Variants in GABRB3 observed in about 807,000 individuals in gnomAD.
GABRB3 encodes gamma-aminobutyric acid receptor subunit beta-3.
Under a neutral mutation model 52.1 loss-of-function variants are expected in GABRB3, and 14 were observed. That is an observed-to-expected ratio of 0.27 (90% CI 0.18 to 0.42). The LOEUF is 0.42. Ranked by LOEUF, GABRB3 falls within the 10% of genes least tolerant of loss-of-function variation. GABRB3 has a pLI of 1.00. For synonymous variants in GABRB3, 260 were observed against 232.3 expected (o/e 1.12, Z -1.08); for missense variants, 307 against 609.1 (o/e 0.50, Z 5.22).
At position 26,576,449 on chromosome 15, in the gene GABRB3, C is replaced by T. The variant is rs557266514; in HGVS notation, c.682+3870G>A. Among the ~76,000 whole-genome samples, 37 of 152,166 alleles carry T rather than the reference C, an allele frequency of 2.4e-4. No homozygotes were observed. The South Asian group carries it at 6.2e-3, about 26-fold the overall frequency. On this transcript the variant is annotated intron_variant, in intron 6 of 8. Transcript: ENST00000311550. ...AAATAAGAATTACATATCAAAACAA[C>T]TGGAAACTTTTCTGAGAAATATAAA...
At position 26,717,345 on chromosome 15, in the gene GABRB3, G is replaced by C. The variant is rs529128790; in HGVS notation, c.240+55057C>G. ...CCAGCTCTGGGGACCTCCACCCAAT[G>C]ACAGCCCAGCTCTAATATCCACCCA... On this transcript the variant is annotated intron_variant, in intron 3 of 8. Transcript: ENST00000311550. Among the ~76,000 whole-genome samples the C allele has an allele frequency of 1.8e-4, 27 of 151,552 alleles. No homozygotes were observed. In the Middle Eastern group the frequency reaches 0.017, roughly 95 times the overall value.
intron 3 of GABRB3, among the ~76,000 whole-genome samples, chr15:26,641,708 T>C (rs1483376967): frequency 6.6e-6 from 1 of 152,192 alleles, no homozygotes; most frequent in Non-Finnish European, 1.5e-5. Flanking sequence ...CATGGCCAGA[T>C]GCCCCTTGGC....
At chr15:26,556,268 T>G (rs1889748323) in intron 8 of GABRB3, among the ~76,000 whole-genome samples, 1 of 152,146 alleles carries the variant, frequency 6.6e-6, no homozygotes, top group Non-Finnish European at 1.5e-5. Context: ...ACAGAGAGAT[T>G]TTTTGTTTTT....
At chr15:26,580,768 A>G in intron 5 of GABRB3, 1 of 429,410 alleles carries the variant, frequency 2.3e-6, no homozygotes, top group Non-Finnish European at 4.4e-6. Flanking sequence ...TGAATTTAAA[A>G]TGTATCTCAA....
chr15:26,702,701 C>T (rs1365226), intron 3 of GABRB3, among the ~76,000 whole-genome samples: 5,888 of 152,208 alleles, frequency 0.039, 401 homozygotes, highest in African/African-American at 0.13. Flanking sequence ...CCAATACACC[C>T]CTGAGTATTT....
chr15:26,772,276 C>T, intron 3 of GABRB3, 126 bp downstream of exon 3: 1 of 788,868 alleles, frequency 1.3e-6, no homozygotes, highest in Non-Finnish European at 2.0e-6. Flanking sequence ...GGGAGCGCGG[C>T]TCCCTCTGCG....
intron 3 of GABRB3, chr15:26,624,124 G>A (rs938418801): frequency 3.5e-5 from 32 of 910,340 alleles, no homozygotes; most frequent in Non-Finnish European, 4.2e-5. Flanking sequence ...AGGCCTGAAA[G>A]GTTCTCGGAC....
At chr15:26,651,624 A>G (rs1887200309) in intron 3 of GABRB3, among the ~76,000 whole-genome samples, 1 of 152,236 alleles carries the variant, frequency 6.6e-6, no homozygotes, top group Admixed American at 6.5e-5. Context: ...CTTTCAAGTG[A>G]GAACTAAACT....
intron 2 of GABRB3, 94 bp downstream of exon 2, chr15:26,772,587 C>T: frequency 4.2e-6 from 6 of 1,431,324 alleles, no homozygotes; most frequent in Non-Finnish European, 5.6e-6. Flanking sequence ...TCCCACCCGC[C>T]GCTGCTCCGC....
In GABRB3 at chr15:26,617,073, A is replaced by T. The variant is rs539948706; in HGVS notation, c.461+4241T>A. Among the ~76,000 whole-genome samples the T allele has an allele frequency of 2.0e-5, 3 of 152,354 alleles. No individual in the cohort carries two copies. In the South Asian group the frequency reaches 6.2e-4, roughly 32 times the overall value. ...GAATAGACCAATAACAGGAGCTGAA[A>T]TTGTGGCAATAATCAATAGCTTACC... On this transcript the variant is annotated intron_variant, in intron 4 of 8. Transcript: ENST00000311550.
At chr15:26,724,013 T>C (rs879700026) in intron 3 of GABRB3, among the ~76,000 whole-genome samples, 1 of 152,208 alleles carries the variant, frequency 6.6e-6, no homozygotes, top group Non-Finnish European at 1.5e-5. Flanking sequence ...TCCTTTTTGG[T>C]GTTGTTTCCC....
chr15:26,576,880 A>G (rs1438880738), intron 6 of GABRB3, among the ~76,000 whole-genome samples: 1 of 152,190 alleles, frequency 6.6e-6, no homozygotes, highest in Non-Finnish European at 1.5e-5. Flanking sequence ...GTGTTCAAAG[A>G]CTGAGCCTGA....
At chr15:26,593,996 AT>A (rs1413253568) in intron 4 of GABRB3, among the ~76,000 whole-genome samples, 1 of 128,482 alleles carries the variant, frequency 7.8e-6, no homozygotes, top group African/African-American at 2.9e-5. Flanking sequence ...ATATATATAT[AT>A]ATATATAATA....
At chr15:26,726,363 A>C (rs908947446) in intron 3 of GABRB3, among the ~76,000 whole-genome samples, 23 of 152,246 alleles carry the variant, frequency 1.5e-4, no homozygotes, top group African/African-American at 5.5e-4. Context: ...TAAAATGATC[A>C]AAACCAGGAC....
chr15:26,553,636 TC>T (rs1889565528), intron 8 of GABRB3: 1 of 152,122 alleles, frequency 6.6e-6, no homozygotes, highest in Admixed American at 6.5e-5. Flanking sequence ...GTCATCCACT[TC>T]AGGACGTGCG....
intron 4 of GABRB3, among the ~76,000 whole-genome samples, chr15:26,592,190 T>G (rs1482782173): frequency 5.3e-5 from 8 of 152,120 alleles, no homozygotes; most frequent in Admixed American, 4.6e-4. Flanking sequence ...ATTTCAAGGT[T>G]TAGTTATAAC....
chr15:26,708,901 G>C (rs1481546012), intron 3 of GABRB3, among the ~76,000 whole-genome samples: 1 of 152,176 alleles, frequency 6.6e-6, no homozygotes, highest in East Asian at 1.9e-4. Flanking sequence ...GAAGGATCCA[G>C]AGAGCTATCA....
At chr15:26,672,848 AAG>A (rs1482921801) in intron 3 of GABRB3, among the ~76,000 whole-genome samples, 2 of 152,220 alleles carry the variant, frequency 1.3e-5, no homozygotes, top group Non-Finnish European at 1.5e-5. Flanking sequence ...AATGCCATTA[AAG>A]AGAGAAAAAC....
Position 26,583,265 on chromosome 15 carries a change from CTAAA to C in GABRB3, c.544+63_544+66del, listed in dbSNP as rs1890853903. 1.2e-5 allele frequency: 16 copies of C among 1,338,120 alleles called. No individual in the cohort carries two copies. In the South Asian group the frequency reaches 1.9e-4, roughly 16 times the overall value. The allele number at this position is 1,338,120 out of a possible 1,614,324, so 82.9% of individuals were successfully genotyped here. A position where few individuals can be genotyped will look rare whatever the true frequency, so the allele number is the denominator to read the frequency against. On this transcript the variant is annotated intron_variant, in intron 5 of 8. Coordinates refer to ENST00000311550, the MANE Select transcript of GABRB3 (RefSeq NM_000814.6). ...ATTATGGATGCCTTGAAAAAAGATG[CTAAA>C]TAATGACAAAAGGATCAAAAGTACA...
Sources: allele counts gnomAD v4.1 joint callset (sites outside exome capture counted in the v4.1 genomes callset), GRCh38; gene constraint gnomAD v4.1.1; transcripts MANE v1.5; gene names NCBI Gene and HGNC (gene_info 2026-07-23, HGNC 2026-07-21).